The following SHANK2 variants were observed in gnomAD, a reference collection of about 807,000 sequenced individuals.
SHANK2 encodes SH3 and multiple ankyrin repeat domains protein 2.
Under a neutral mutation model 133.7 loss-of-function variants are expected in SHANK2, and 43 were observed. The ratio of observed to expected loss-of-function variants is 0.32; its 90% confidence interval spans 0.25 to 0.41. The LOEUF (loss-of-function observed/expected upper bound fraction) is 0.41. Ranked by LOEUF, SHANK2 falls within the 10% of genes least tolerant of loss-of-function variation. The pLI, the probability that SHANK2 is intolerant of heterozygous loss-of-function variation, is 1.00. For missense variants in SHANK2, 1,994 were observed against 2,235.8 expected (o/e 0.89, Z 2.18); for synonymous variants, 1,017 against 952.8 (o/e 1.07, Z -1.24).
rs1555159047 is a variant in SHANK2, at chr11:70,502,741, A to ACCC, written c.2197+52_2197+54dup. 6.9e-4 allele frequency: 267 copies of ACCC among 386,238 alleles called. 2 individuals carry two copies. The highest frequency in any genetic ancestry group is 1.1e-3 in the African/African-American group (33 of 28,988). The allele number at this position is 386,238 out of a possible 1,614,324, so 23.9% of individuals were successfully genotyped here. ...CCCCCCAGCTGTCCTGCCCGCCCCC[A>ACCC]CCCCCCCCCCCCAGTAGGGCCCCAG... On this transcript the variant is annotated intron_variant, in intron 18 of 25. Transcript: ENST00000601538.
At chr11:70,901,419 A>T (rs1950021219) in intron 10 of SHANK2, among the ~76,000 whole-genome samples, 2 of 152,216 alleles carry the variant, frequency 1.3e-5, no homozygotes, top group African/African-American at 4.8e-5. Context: ...TGCCCTGCGC[A>T]GGGGAAGGAC....
At chr11:70,481,703 T>G (rs1187496951) in intron 25 of SHANK2, among the ~76,000 whole-genome samples, 1 of 152,254 alleles carries the variant, frequency 6.6e-6, no homozygotes, top group Non-Finnish European at 1.5e-5. Context: ...TTCATCCAAT[T>G]TCGTGCCTCA....
intron 17 of SHANK2, among the ~76,000 whole-genome samples, chr11:70,601,681 C>G (rs2136326687): frequency 6.6e-6 from 1 of 152,290 alleles, no homozygotes; most frequent in Admixed American, 6.5e-5. Flanking sequence ...GAACACAAAT[C>G]AATCCGAAAA....
At chr11:71,073,137 TTTTTC>T (rs1194031274) in intron 9 of SHANK2, among the ~76,000 whole-genome samples, 2 of 132,974 alleles carry the variant, frequency 1.5e-5, no homozygotes, top group Admixed American at 8.0e-5. Flanking sequence ...GTTTTTTTTC[TTTTTC>T]TTTTCTTTTT....
At chr11:70,863,911 C>A (rs1555068475) in intron 11 of SHANK2, 1 of 453,652 alleles carries the variant, frequency 2.2e-6, no homozygotes, top group Non-Finnish European at 4.4e-6. Flanking sequence ...ACACCCTAAT[C>A]ACAGGCGTCC....
At chr11:70,865,003 A>C (rs1173569752) in intron 11 of SHANK2, 2 of 152,364 alleles carry the variant, frequency 1.3e-5, no homozygotes, top group Admixed American at 1.3e-4. Flanking sequence ...TCCAGCCTGG[A>C]AAACGGAGTG....
intron 6 of SHANK2, among the ~76,000 whole-genome samples, chr11:71,100,896 GA>G (rs1951707060): frequency 6.6e-6 from 1 of 151,202 alleles, no homozygotes; most frequent in East Asian, 1.9e-4. Context: ...CAGTGGTTAT[GA>G]GGGGTTAGAG....
At chr11:70,779,022 C>A (rs1947427237) in intron 14 of SHANK2, among the ~76,000 whole-genome samples, 1 of 151,954 alleles carries the variant, frequency 6.6e-6, no homozygotes, top group African/African-American at 2.4e-5. Context: ...GCCATAGTAA[C>A]CCAGAGCAGG....
chr11:71,198,564 C>T (rs2135615500), intron 2 of SHANK2, among the ~76,000 whole-genome samples: 1 of 152,234 alleles, frequency 6.6e-6, no homozygotes, highest in East Asian at 1.9e-4. Flanking sequence ...CGTGAGTCCA[C>T]GAGCTGTGAG....
chr11:70,761,918 G>T (rs983374576), intron 14 of SHANK2, among the ~76,000 whole-genome samples: 12 of 151,918 alleles, frequency 7.9e-5, no homozygotes, highest in East Asian at 1.9e-4. Context: ...GCAAGTTCCC[G>T]GCTGCTGCTG....
At chr11:70,546,402 G>A (rs372107743) in intron 17 of SHANK2, among the ~76,000 whole-genome samples, 1 of 152,014 alleles carries the variant, frequency 6.6e-6, no homozygotes, top group Admixed American at 6.6e-5. Context: ...TCTAGCCTCC[G>A]CCTCCCCTAA....
chr11:71,104,620 C>T (rs903323862), intron 6 of SHANK2, among the ~76,000 whole-genome samples: 1 of 152,176 alleles, frequency 6.6e-6, no homozygotes, highest in African/African-American at 2.4e-5. Flanking sequence ...GCTGGAATTA[C>T]CCGCAGCTTC....
At chr11:70,617,563 C>T (rs575848222) in intron 17 of SHANK2, among the ~76,000 whole-genome samples, 2 of 152,188 alleles carry the variant, frequency 1.3e-5, no homozygotes, top group Admixed American at 6.5e-5. Flanking sequence ...ACGCAGCTGT[C>T]GCCACGGGAA....
intron 17 of SHANK2, among the ~76,000 whole-genome samples, chr11:70,571,532 A>C (rs1317180312): frequency 6.6e-6 from 1 of 152,106 alleles, no homozygotes; most frequent in Non-Finnish European, 1.5e-5. Flanking sequence ...CATGTGCCCC[A>C]CCCCAGCAAT....
At chr11:71,155,134 A>C (rs1321238007) in intron 2 of SHANK2, among the ~76,000 whole-genome samples, 6 of 51,570 alleles carry the variant, frequency 1.2e-4, no homozygotes, top group Admixed American at 2.3e-4. Flanking sequence ...GACCTACCCC[A>C]GCCCACGCTC....
intron 14 of SHANK2, among the ~76,000 whole-genome samples, chr11:70,784,259 C>G (rs1391470367): frequency 6.6e-6 from 1 of 151,300 alleles, no homozygotes; most frequent in African/African-American, 2.4e-5. Context: ...TCACTGCAAC[C>G]TCCGCCTCCC....
rs1186587005 is a variant in SHANK2 at position 71,175,592 on chromosome 11, GAGAGAGAGAGAC to G, written c.-12-28266_-12-28255del. Among the ~76,000 whole-genome samples, 303 of 133,738 alleles carry G rather than the reference GAGAGAGAGAGAC, an allele frequency of 2.3e-3. No homozygotes were observed. Among genetic ancestry groups the G allele is most frequent in the African/African-American group, 7.2e-3 (261 of 36,204 alleles). 87.7% of individuals were successfully genotyped at this position (133,738 alleles called of 152,430 possible). A position where few individuals can be genotyped will look rare whatever the true frequency, so the allele number is the denominator to read the frequency against. On this transcript the variant is annotated intron_variant, in intron 2 of 25. Coordinates refer to ENST00000601538, the MANE Select transcript of SHANK2 (RefSeq NM_012309.5). The surrounding 1 kb of genome is among the most constrained non-coding windows in gnomAD (Gnocchi z 4.2). ...AGAGAGAGAGAGAGAGAGAGAGAGAGAGAGAGAGAGACAGAGACAGAGACATCGCTTCCAGCC... is the reference window on the plus strand; with the variant it reads ...AGAGAGAGAGAGAGAGAGAGAGAGAGAGAGACAGAGACATCGCTTCCAGCC...
chr11:70,737,952 C>T (rs534016400), intron 14 of SHANK2, among the ~76,000 whole-genome samples: 25 of 152,354 alleles, frequency 1.6e-4, no homozygotes, highest in African/African-American at 4.8e-4. Flanking sequence ...CGGTGAGCCG[C>T]GGAGACGTGG....
intron 10 of SHANK2, among the ~76,000 whole-genome samples, chr11:70,899,835 A>G (rs1366080706): frequency 6.6e-6 from 1 of 152,202 alleles, no homozygotes; most frequent in Non-Finnish European, 1.5e-5. Context: ...CTGAGGTGAT[A>G]CTGGCGGACT....
Sources: gnomAD v4.1 joint callset for allele counts (sites outside exome capture counted in the v4.1 genomes callset) on GRCh38, gnomAD v4.1.1 for gene constraint, Gnocchi (gnomAD v3.1) non-coding constraint, MANE v1.5 for transcripts, NCBI Gene and HGNC (gene_info 2026-07-23, HGNC 2026-07-21) for gene names.